Variants in SLC4A8 observed in about 807,000 individuals in gnomAD.
The protein encoded by SLC4A8 is electroneutral sodium bicarbonate exchanger 1.
Under a neutral mutation model 125.0 loss-of-function variants are expected in SLC4A8, and 40 were observed. That is an observed-to-expected ratio of 0.32 (90% CI 0.25 to 0.42). SLC4A8 has a LOEUF of 0.42. Ranked by LOEUF, SLC4A8 falls within the 10% of genes least tolerant of loss-of-function variation. SLC4A8 has a pLI of 1.00. For missense variants in SLC4A8, 863 were observed against 1,355.1 expected, an observed-to-expected ratio of 0.64 and a Z score of 5.70; for synonymous variants, 456 against 476.0, an observed-to-expected ratio of 0.96 and a Z score of 0.55.
rs1476866259 is a variant in SLC4A8 at position 51,514,933 on chromosome 12, T to A, written c.*7495T>A. ...CATAGGCATAATTCTTTTAGGAGATTCTGTGCTCAAAGGGAAGGGAATGGT... is the reference window on the plus strand; with the variant it reads ...CATAGGCATAATTCTTTTAGGAGATACTGTGCTCAAAGGGAAGGGAATGGT... On this transcript the variant is annotated 3_prime_UTR_variant, in exon 25 of 25. Transcript: ENST00000453097. The A allele has an allele frequency of 6.6e-6, 1 of 152,228 alleles. No individual in the cohort carries two copies. Among genetic ancestry groups the A allele is most frequent in the Non-Finnish European group, 1.5e-5 (1 of 68,044 alleles). The allele number at this position is 152,228 out of a possible 1,614,324, so 9.4% of individuals were successfully genotyped here. A position where few individuals can be genotyped will look rare whatever the true frequency, so the allele number is the denominator to read the frequency against.
At chr12:51,493,829 C>G in intron 20 of SLC4A8, 57 bp downstream of exon 20, 2 of 1,101,302 alleles carry the variant, frequency 1.8e-6, no homozygotes, top group Non-Finnish European at 2.8e-6. Flanking sequence ...CATGTCCTGT[C>G]CAGGGAGGGA....
At chr12:51,434,938 C>T (rs1449349541) in intron 1 of SLC4A8, among the ~76,000 whole-genome samples, 2 of 152,080 alleles carry the variant, frequency 1.3e-5, no homozygotes, top group Admixed American at 1.3e-4. Context: ...GGGATACTTA[C>T]CATGTACTGG....
At chr12:51,463,758 A>G (rs1323512566) in intron 11 of SLC4A8, 44 bp downstream of exon 11, 1 of 1,300,644 alleles carries the variant, frequency 7.7e-7, no homozygotes, top group East Asian at 2.3e-5. Context: ...TATTGGGTAG[A>G]AGTTATGCAA....
At position 51,457,383 on chromosome 12, in the gene SLC4A8, G is replaced by C; in HGVS notation, c.607G>C (p.Asp203His). The C allele has an allele frequency of 6.2e-7, 1 of 1,613,880 alleles. No individual in the cohort carries two copies. The highest frequency in any genetic ancestry group is 2.2e-5 in the East Asian group (1 of 44,876). Reference sequence around the variant, plus strand: ...CCTGGATCAGCAAGAACTGTCCAGTGACCTGAATGACAGCATGAGGGTTAA... The same window carrying C: ...CCTGGATCAGCAAGAACTGTCCAGTCACCTGAATGACAGCATGAGGGTTAA... ...LILDQQELSS[D>H]LNDSMRVKVR... The change falls in exon 6 of 25, where the codon GAC (aspartate) becomes CAC (histidine). Residue 203 changes from aspartate to histidine, a missense_variant. Coordinates refer to ENST00000453097, the MANE Select transcript of SLC4A8 (RefSeq NM_001039960.3).
intron 22 of SLC4A8, among the ~76,000 whole-genome samples, chr12:51,503,249 G>C (rs1938009472): frequency 6.8e-6 from 1 of 147,848 alleles, no homozygotes; most frequent in Non-Finnish European, 1.5e-5. Flanking sequence ...TTTTGAGACG[G>C]AGTCTCACCC....
Position 51,458,783 on chromosome 12 carries a change from T to A in SLC4A8, c.855+133T>A, listed in dbSNP as rs576675787. ...CCCTAAGACTAGAGCCCTTTCTGCA[T>A]AAAAGGGGGCCCATCTCTGCATGTC... On this transcript the variant is annotated intron_variant, in intron 7 of 24. Transcript: ENST00000453097. The A allele has an allele frequency of 1.1e-5, 7 of 628,630 alleles. No individual in the cohort carries two copies. In the East Asian group the frequency reaches 1.7e-4, roughly 15 times the overall value. The allele number at this position is 628,630 out of a possible 1,614,324, so 38.9% of individuals were successfully genotyped here.
intron 1 of SLC4A8, among the ~76,000 whole-genome samples, chr12:51,401,618 G>A (rs1948395090): frequency 6.6e-6 from 1 of 152,076 alleles, no homozygotes; most frequent in Non-Finnish European, 1.5e-5. Flanking sequence ...ACGTCCAGCC[G>A]CTTGTGTCTC....
chr12:51,396,443 G>A (rs116564827), intron 1 of SLC4A8, among the ~76,000 whole-genome samples: 1,878 of 152,156 alleles, frequency 0.012, 52 homozygotes, highest in African/African-American at 0.043. Context: ...ATTTATGGGG[G>A]CATCTAAAAA....
At chr12:51,424,822 G>C, upstream of SLC4A8, 2 of 660,790 alleles carry the variant, frequency 3.0e-6, no homozygotes, top group Non-Finnish European at 5.1e-6. Flanking sequence ...TGGTTGCGGC[G>C]GATGCCTCGC....
At chr12:51,401,139 G>A (rs752808758) in intron 1 of SLC4A8, among the ~76,000 whole-genome samples, 6 of 152,050 alleles carry the variant, frequency 3.9e-5, no homozygotes, top group Non-Finnish European at 7.4e-5. Flanking sequence ...GAGACGGAGC[G>A]TTCCTCTGTC....
At chr12:51,459,678 T>C (rs1950261853) in intron 7 of SLC4A8, among the ~76,000 whole-genome samples, 1 of 152,092 alleles carries the variant, frequency 6.6e-6, no homozygotes, top group Admixed American at 6.6e-5. Context: ...GAGACTAGAC[T>C]GGCGAAAATG....
intron 3 of SLC4A8, 123 bp from the exon 4 acceptor site, chr12:51,452,001 A>G (rs768781651): frequency 1.1e-6 from 1 of 926,866 alleles, no homozygotes; most frequent in Non-Finnish European, 1.6e-6. Context: ...GAATAAAGAA[A>G]TCTTTTTCTT....
At chr12:51,422,082 A>C (rs978061696), upstream of SLC4A8, 7 of 152,224 alleles carry the variant, frequency 4.6e-5, no homozygotes, top group Admixed American at 1.3e-4. Flanking sequence ...TCTCAGCAAA[A>C]GTGTTTTGAA....
At chr12:51,459,231 C>T (rs1950244917) in intron 7 of SLC4A8, among the ~76,000 whole-genome samples, 1 of 152,136 alleles carries the variant, frequency 6.6e-6, no homozygotes, top group Non-Finnish European at 1.5e-5. Flanking sequence ...CATAAGGCTT[C>T]CCATTTTATT....
intron 11 of SLC4A8, chr12:51,467,567 C>T (rs1318809311): frequency 2.0e-5 from 3 of 152,180 alleles, no homozygotes; most frequent in East Asian, 1.9e-4. Context: ...TCATACTCCT[C>T]CAGGCTTCTA....
chr12:51,500,860 T>TC (rs527489258), intron 22 of SLC4A8, among the ~76,000 whole-genome samples: 44 of 151,160 alleles, frequency 2.9e-4, no homozygotes, highest in Admixed American at 4.6e-4. Flanking sequence ...CTTTTTTTTT[T>TC]TTTCTTTCTT....
At chr12:51,485,984 C>G in intron 17 of SLC4A8, 84 bp downstream of exon 17, 1 of 780,716 alleles carries the variant, frequency 1.3e-6, no homozygotes, top group Non-Finnish European at 2.2e-6. Context: ...CTTTTCATAT[C>G]CTAATCCTGA....
At chr12:51,403,210 G>T (rs1035815367) in intron 1 of SLC4A8, 1 of 456,754 alleles carries the variant, frequency 2.2e-6, no homozygotes, top group Non-Finnish European at 4.4e-6. Flanking sequence ...CCTCGCTACC[G>T]CCGGGGAGAC....
At chr12:51,464,024 GTTC>G (rs1950436169) in intron 11 of SLC4A8, among the ~76,000 whole-genome samples, 1 of 151,978 alleles carries the variant, frequency 6.6e-6, no homozygotes, top group Non-Finnish European at 1.5e-5. Context: ...CTTAGTCTCG[GTTC>G]TTGTGTCACT....
Sources: gnomAD v4.1 joint callset for allele counts (sites outside exome capture counted in the v4.1 genomes callset) on GRCh38, gnomAD v4.1.1 for gene constraint, MANE v1.5 for transcripts, NCBI Gene and HGNC (gene_info 2026-07-23, HGNC 2026-07-21) for gene names.